Variants in SOX6 observed in about 807,000 individuals in gnomAD.
SOX6 encodes the protein transcription factor SOX-6.
In SOX6, 11 loss-of-function variants were observed where a neutral mutation model predicts 97.8. The observed-to-expected ratio is 0.11, with a 90% CI of 0.07 to 0.19. The LOEUF (loss-of-function observed/expected upper bound fraction) is 0.19, where lower values mean the gene tolerates loss of function less well. Ranked by LOEUF, SOX6 falls within the 10% of genes least tolerant of loss-of-function variation. SOX6 has a pLI of 1.00. For synonymous variants in SOX6, 360 were observed against 371.4 expected, an observed-to-expected ratio of 0.97 and a Z score of 0.35; for missense variants, 810 against 1,039.5, an observed-to-expected ratio of 0.78 and a Z score of 3.04.
At chr11:16,443,534 C>T (rs1369935137) in intron 1 of SOX6, among the ~76,000 whole-genome samples, 1 of 152,072 alleles carries the variant, frequency 6.6e-6, no homozygotes, top group Non-Finnish European at 1.5e-5. Context: ...AAGAAAGCCT[C>T]TATTTTTTTC....
At chr11:16,008,916 C>A (rs1269426649) in intron 13 of SOX6, among the ~76,000 whole-genome samples, 3 of 152,008 alleles carry the variant, frequency 2.0e-5, no homozygotes, top group Non-Finnish European at 4.4e-5. Flanking sequence ...TCCTTTTCAC[C>A]AGGTCTTGGG....
At chr11:16,669,865 A>G (rs1356310949) in intron 3 of SOX6, among the ~76,000 whole-genome samples, 1 of 152,160 alleles carries the variant, frequency 6.6e-6, no homozygotes, top group Non-Finnish European at 1.5e-5. Flanking sequence ...GAGACAGCCC[A>G]GCACTTCTCT....
intron 3 of SOX6, among the ~76,000 whole-genome samples, chr11:16,253,291 G>A (rs992482214): frequency 1.3e-5 from 2 of 151,924 alleles, no homozygotes; most frequent in African/African-American, 4.8e-5. Flanking sequence ...GGAGGTTGCA[G>A]TGAACCAAGA....
At chr11:16,459,201 G>T (rs1401629877) in intron 1 of SOX6, among the ~76,000 whole-genome samples, 1 of 151,988 alleles carries the variant, frequency 6.6e-6, no homozygotes, top group African/African-American at 2.4e-5. Flanking sequence ...TATTAGAATG[G>T]TATTGCATCA....
intron 4 of SOX6, among the ~76,000 whole-genome samples, chr11:16,498,713 G>A (rs1860652106): frequency 6.6e-6 from 1 of 152,098 alleles, no homozygotes; most frequent in Non-Finnish European, 1.5e-5. Flanking sequence ...AGACAAAGAA[G>A]GCCATTACAT....
At chr11:16,232,444 A>G (rs1257028224) in intron 4 of SOX6, among the ~76,000 whole-genome samples, 1 of 152,032 alleles carries the variant, frequency 6.6e-6, no homozygotes, top group Non-Finnish European at 1.5e-5. Context: ...AAGTTCACAT[A>G]TCACAAAGAA....
intron 12 of SOX6, among the ~76,000 whole-genome samples, chr11:16,022,327 C>CCTCT: frequency 8.6e-6 from 1 of 116,156 alleles, no homozygotes; most frequent in Non-Finnish European, 1.9e-5. Context: ...TCCTTCCTTC[C>CCTCT]TTCTTTCCTT....
intron 2 of SOX6, among the ~76,000 whole-genome samples, chr11:16,731,028 T>A (rs987387838): frequency 4.6e-5 from 7 of 151,892 alleles, no homozygotes; most frequent in African/African-American, 1.7e-4. Context: ...GACAGCTACA[T>A]CCTCCCAAGA....
At chr11:16,205,958 G>C (rs1460982133) in intron 4 of SOX6, among the ~76,000 whole-genome samples, 2 of 151,826 alleles carry the variant, frequency 1.3e-5, no homozygotes, top group Non-Finnish European at 2.9e-5. Flanking sequence ...TAGTCCTTTA[G>C]TGTGGGCTCT....
chr11:16,603,236 C>G (rs1848292622), intron 4 of SOX6, among the ~76,000 whole-genome samples: 1 of 152,066 alleles, frequency 6.6e-6, no homozygotes, highest in Non-Finnish European at 1.5e-5. Context: ...CACAGGGTAA[C>G]AGAGGGAAAG....
At chr11:16,620,475 A>C (rs570184921) in intron 3 of SOX6, among the ~76,000 whole-genome samples, 2 of 152,242 alleles carry the variant, frequency 1.3e-5, no homozygotes, top group African/African-American at 4.8e-5. Flanking sequence ...AAAACCCTAC[A>C]TTATGTTGCC....
At chr11:16,324,282 T>C (rs1430648827) in intron 2 of SOX6, among the ~76,000 whole-genome samples, 2 of 152,022 alleles carry the variant, frequency 1.3e-5, no homozygotes, top group Non-Finnish European at 2.9e-5. Flanking sequence ...CATTTAGAAC[T>C]GAGATATTAA....
At chr11:16,541,465 G>A (rs1286392884) in intron 4 of SOX6, among the ~76,000 whole-genome samples, 2 of 152,154 alleles carry the variant, frequency 1.3e-5, no homozygotes, top group African/African-American at 4.8e-5. Context: ...AGCCAAAATA[G>A]ACAAATGGAT....
At chr11:16,353,887 C>T (rs1857011634) in intron 1 of SOX6, among the ~76,000 whole-genome samples, 1 of 151,966 alleles carries the variant, frequency 6.6e-6, no homozygotes, top group Admixed American at 6.6e-5. Flanking sequence ...ATATAACCAC[C>T]ACCTCCACCT....
chr11:16,182,854 A>G (rs561996306), intron 6 of SOX6, among the ~76,000 whole-genome samples: 2 of 152,090 alleles, frequency 1.3e-5, no homozygotes, highest in South Asian at 4.1e-4. Context: ...AATCCTTGTT[A>G]TTCATCAATG....
chr11:16,015,110 C>G, intron 12 of SOX6, 60 bp from the exon 13 acceptor site: 1 of 1,427,902 alleles, frequency 7.0e-7, no homozygotes, highest in Non-Finnish European at 9.8e-7. Context: ...CATTTCCTTC[C>G]AGTTTCTATC....
intron 1 of SOX6, among the ~76,000 whole-genome samples, chr11:16,390,365 A>AGATTT (rs1382988612): frequency 6.6e-6 from 1 of 152,054 alleles, no homozygotes; most frequent in Non-Finnish European, 1.5e-5. Flanking sequence ...TCTCCTCTCA[A>AGATTT]GATTTAGTCT....
At chr11:16,132,814 G>C (rs1233790024) in intron 6 of SOX6, among the ~76,000 whole-genome samples, 2 of 151,354 alleles carry the variant, frequency 1.3e-5, no homozygotes, top group Non-Finnish European at 2.9e-5. Context: ...AATCCACCAA[G>C]TACTGCAAAC....
chr11:15,996,347 G>A (rs1390809324), intron 13 of SOX6, among the ~76,000 whole-genome samples: 1 of 152,138 alleles, frequency 6.6e-6, no homozygotes, highest in Non-Finnish European at 1.5e-5. Context: ...AATACAAAGA[G>A]GCCAGGCAAG....
Sources: gnomAD v4.1 joint callset for allele counts (sites outside exome capture counted in the v4.1 genomes callset) on GRCh38, gnomAD v4.1.1 for gene constraint, MANE v1.5 for transcripts, NCBI Gene and HGNC (gene_info 2026-07-23, HGNC 2026-07-21) for gene names.